MARCHF4: variants seen among roughly 807,000 people sequenced by gnomAD.
MARCHF4 encodes the protein membrane associated ring-CH-type finger 4, also known as E3 ubiquitin-protein ligase MARCHF4.
Under a neutral mutation model 43.9 loss-of-function variants are expected in MARCHF4, and 14 were observed. The observed-to-expected ratio is 0.32, with a 90% CI of 0.21 to 0.50. MARCHF4 has a LOEUF of 0.50. Ranked by LOEUF, MARCHF4 falls within the 20% of genes least tolerant of loss-of-function variation. The pLI is 0.98. For synonymous variants in MARCHF4, 226 were observed against 213.3 expected (o/e 1.06, Z -0.52); for missense variants, 468 against 536.7 (o/e 0.87, Z 1.27).
At chr2:216,307,923 G>T (rs1028230741) in intron 1 of MARCHF4, among the ~76,000 whole-genome samples, 2 of 152,116 alleles carry the variant, frequency 1.3e-5, no homozygotes, top group African/African-American at 4.8e-5. Context: ...AGGCATGGTG[G>T]CATGCATCTA....
At chr2:216,356,148 C>T (rs1448325764) in intron 1 of MARCHF4, among the ~76,000 whole-genome samples, 6 of 152,266 alleles carry the variant, frequency 3.9e-5, no homozygotes, top group East Asian at 3.9e-4. Context: ...ACTTTTTTGG[C>T]GGTGTCAGGT....
At chr2:216,336,377 C>T (rs565579692) in intron 1 of MARCHF4, among the ~76,000 whole-genome samples, 60 of 152,164 alleles carry the variant, frequency 3.9e-4, no homozygotes, top group African/African-American at 1.4e-3. Context: ...CTGAGTAATC[C>T]GTAATGCCTG....
At chr2:216,360,073 G>C (rs1692553587) in intron 1 of MARCHF4, among the ~76,000 whole-genome samples, 1 of 152,012 alleles carries the variant, frequency 6.6e-6, no homozygotes, top group South Asian at 2.1e-4. Flanking sequence ...AATTCTCAAA[G>C]TCAGAGATTG....
intron 1 of MARCHF4, among the ~76,000 whole-genome samples, chr2:216,309,343 T>TG (rs1691642763): frequency 6.6e-6 from 1 of 152,186 alleles, no homozygotes. Context: ...ATGAAATAGA[T>TG]TACCATGGCA....
At chr2:216,338,182 T>C (rs1347697282) in intron 1 of MARCHF4, among the ~76,000 whole-genome samples, 1 of 152,286 alleles carries the variant, frequency 6.6e-6, no homozygotes, top group South Asian at 2.1e-4. Context: ...TCCTCTCCCC[T>C]TCCCAACTTT....
At chr2:216,274,905 AACTC>A (rs67370655) in intron 3 of MARCHF4, among the ~76,000 whole-genome samples, 110,720 of 151,768 alleles carry the variant, frequency 0.73, 43,445 homozygotes, top group Non-Finnish European at 0.89. Flanking sequence ...GAGCTGTCTG[AACTC>A]ACTCCTTAAA....
chr2:216,346,964 C>T (rs1013159080), intron 1 of MARCHF4, among the ~76,000 whole-genome samples: 3 of 152,042 alleles, frequency 2.0e-5, no homozygotes, highest in Non-Finnish European at 4.4e-5. Context: ...TGAGTTATTG[C>T]GGGGTCTGGT....
In MARCHF4 at chr2:216,327,770, G is replaced by A. The variant is rs73066457; in HGVS notation, c.516+41975C>T. On this transcript the variant is annotated intron_variant, in intron 1 of 3. Transcript: ENST00000273067. Reference sequence around the variant, plus strand: ...TGTTTGTCCTTGTTGAGAATGGCAGGATTTGACCCAACTGAGATTGTGCCC... The same window carrying A: ...TGTTTGTCCTTGTTGAGAATGGCAGAATTTGACCCAACTGAGATTGTGCCC... Among the ~76,000 whole-genome samples, 1,123 of 152,216 alleles carry A rather than the reference G, an allele frequency of 7.4e-3. 10 individuals carry two copies. The highest frequency in any genetic ancestry group is 0.026 in the African/African-American group (1,065 of 41,530).
At chr2:216,270,961 C>A (rs1690925374) in intron 3 of MARCHF4, among the ~76,000 whole-genome samples, 1 of 152,214 alleles carries the variant, frequency 6.6e-6, no homozygotes. Flanking sequence ...CCTATTCTGT[C>A]CACCTCTGAC....
chr2:216,306,919 A>G (rs991881450), intron 1 of MARCHF4, among the ~76,000 whole-genome samples: 3 of 151,930 alleles, frequency 2.0e-5, no homozygotes, highest in Non-Finnish European at 4.4e-5. Context: ...CTGGCTGTAC[A>G]TGCATCTCAT....
chr2:216,311,593 C>A (rs1448357523), intron 1 of MARCHF4, among the ~76,000 whole-genome samples: 1 of 152,108 alleles, frequency 6.6e-6, no homozygotes, highest in African/African-American at 2.4e-5. Flanking sequence ...ACTTAGGTTT[C>A]CTCACATTTT....
chr2:216,272,969 C>T (rs551057849), intron 3 of MARCHF4, among the ~76,000 whole-genome samples: 2 of 152,312 alleles, frequency 1.3e-5, no homozygotes, highest in Admixed American at 6.5e-5. Flanking sequence ...AGCCATTCTC[C>T]GAGAGTCACT....
chr2:216,308,647 T>G (rs1172497479), intron 1 of MARCHF4, among the ~76,000 whole-genome samples: 1 of 152,214 alleles, frequency 6.6e-6, no homozygotes, highest in Non-Finnish European at 1.5e-5. Context: ...CTAACTTGCT[T>G]GTGCTTCTCA....
chr2:216,267,733 C>A (rs1032165401), intron 3 of MARCHF4, among the ~76,000 whole-genome samples: 1 of 152,194 alleles, frequency 6.6e-6, no homozygotes, highest in Non-Finnish European at 1.5e-5. Context: ...CAAATTGGGG[C>A]TATTTCTAGT....
At chr2:216,295,221 G>A (rs1178677787) in intron 1 of MARCHF4, among the ~76,000 whole-genome samples, 1 of 152,164 alleles carries the variant, frequency 6.6e-6, no homozygotes, top group Non-Finnish European at 1.5e-5. Context: ...GTGCTCATGA[G>A]GATTCAATGG....
At chr2:216,343,519 T>C (rs1482463342) in intron 1 of MARCHF4, among the ~76,000 whole-genome samples, 1 of 152,198 alleles carries the variant, frequency 6.6e-6, no homozygotes, top group African/African-American at 2.4e-5. Flanking sequence ...TTTCAGCATA[T>C]GATCCGGGTG....
chr2:216,287,954 T>G (rs1269658799), intron 1 of MARCHF4, among the ~76,000 whole-genome samples: 1 of 152,066 alleles, frequency 6.6e-6, no homozygotes, highest in African/African-American at 2.4e-5. Context: ...TCAAGGGTAA[T>G]TGTAAGGATT....
chr2:216,268,072 T>C (rs1690872999), intron 3 of MARCHF4, among the ~76,000 whole-genome samples: 1 of 152,190 alleles, frequency 6.6e-6, no homozygotes, highest in South Asian at 2.1e-4. Context: ...CGCCAGTTTC[T>C]ACAGCTGCTG....
chr2:216,355,003 A>ATTCTTTCTTTCTTTTTTT (rs1559106767), intron 1 of MARCHF4, among the ~76,000 whole-genome samples: 3 of 126,514 alleles, frequency 2.4e-5, no homozygotes, highest in African/African-American at 6.0e-5. Flanking sequence ...ACAGAGTCTA[A>ATTCTTTCTTTCTTTTTTT]CTTTGTCACC....
Sources: allele counts gnomAD v4.1 joint callset (sites outside exome capture counted in the v4.1 genomes callset), GRCh38; gene constraint gnomAD v4.1.1; transcripts MANE v1.5; gene names NCBI Gene and HGNC (gene_info 2026-07-23, HGNC 2026-07-21).